The following FUT8 variants were observed in gnomAD, a reference collection of about 807,000 sequenced individuals.
FUT8 encodes the protein alpha-(1,6)-fucosyltransferase.
Under a neutral mutation model 71.3 loss-of-function variants are expected in FUT8, and 29 were observed. The ratio of observed to expected loss-of-function variants is 0.41; its 90% CI spans 0.30 to 0.55. FUT8 has a LOEUF of 0.55. Ranked by LOEUF, FUT8 falls within the 20% of genes least tolerant of loss-of-function variation. FUT8 has a pLI of 0.34. For missense variants in FUT8, 544 were observed against 702.1 expected, an observed-to-expected ratio of 0.77 and a Z score of 2.55; for synonymous variants, 254 against 239.3, an observed-to-expected ratio of 1.06 and a Z score of -0.57.
At chr14:65,501,574 G>A (rs2066646125) in intron 2 of FUT8, among the ~76,000 whole-genome samples, 1 of 152,212 alleles carries the variant, frequency 6.6e-6, no homozygotes, top group Non-Finnish European at 1.5e-5. Context: ...TCTCCCTCTA[G>A]TGTCCTTATT....
chr14:65,616,600 T>G (rs1377146642), intron 5 of FUT8, among the ~76,000 whole-genome samples: 1 of 152,184 alleles, frequency 6.6e-6, no homozygotes, highest in Non-Finnish European at 1.5e-5. Flanking sequence ...TCTAGAAATC[T>G]TTACATTCTA....
chr14:65,423,435 G>T (rs1388903024), intron 1 of FUT8, among the ~76,000 whole-genome samples: 2 of 151,664 alleles, frequency 1.3e-5, no homozygotes, highest in Non-Finnish European at 2.9e-5. Flanking sequence ...CTAATTTTTT[G>T]TATTTTTAGT....
At chr14:65,620,399 T>G (rs968481676) in intron 5 of FUT8, among the ~76,000 whole-genome samples, 2 of 152,192 alleles carry the variant, frequency 1.3e-5, no homozygotes, top group African/African-American at 4.8e-5. Flanking sequence ...GAATGATACT[T>G]ATGTTAATTA....
intron 3 of FUT8, among the ~76,000 whole-genome samples, chr14:65,611,307 C>CCCCCCCCT (rs112511336): frequency 9.8e-6 from 1 of 102,414 alleles, no homozygotes; most frequent in African/African-American, 4.3e-5. Flanking sequence ...ACACACCCCC[C>CCCCCCCCT]AAGTAATAGC....
intron 7 of FUT8, among the ~76,000 whole-genome samples, chr14:65,677,142 G>GTT (rs1892764000): frequency 8.9e-6 from 1 of 112,540 alleles, no homozygotes; most frequent in Non-Finnish European, 1.9e-5. Context: ...GTGTGTGTGT[G>GTT]TGTGTGTGTG....
At chr14:65,674,233 C>A (rs2140385474) in intron 7 of FUT8, among the ~76,000 whole-genome samples, 1 of 152,130 alleles carries the variant, frequency 6.6e-6, no homozygotes, top group African/African-American at 2.4e-5. Flanking sequence ...TATTTTTGAT[C>A]CCTTATGCTG....
At chr14:65,495,002 T>C (rs1240008388) in intron 2 of FUT8, among the ~76,000 whole-genome samples, 1 of 152,068 alleles carries the variant, frequency 6.6e-6, no homozygotes, top group Non-Finnish European at 1.5e-5. Flanking sequence ...GCTTTTTCTC[T>C]AGATAGAGCT....
At chr14:65,650,378 C>G (rs1382376915) in intron 6 of FUT8, among the ~76,000 whole-genome samples, 2 of 142,852 alleles carry the variant, frequency 1.4e-5, no homozygotes. Flanking sequence ...GTTCACTGTT[C>G]TATAGGCTGT....
chr14:65,538,393 A>G (rs1157112740), intron 2 of FUT8, among the ~76,000 whole-genome samples: 3 of 152,052 alleles, frequency 2.0e-5, no homozygotes, highest in Non-Finnish European at 4.4e-5. Context: ...CTCTCTTCAC[A>G]TCAGCCCCTG....
chr14:65,623,873 C>T (rs1256524712), intron 5 of FUT8, among the ~76,000 whole-genome samples: 1 of 152,108 alleles, frequency 6.6e-6, no homozygotes, highest in African/African-American at 2.4e-5. Flanking sequence ...CTTTAGTATG[C>T]CCACTTATTA....
the FUT8 span, among the ~76,000 whole-genome samples, chr14:65,377,074 C>G: frequency 6.6e-6 from 1 of 152,182 alleles, no homozygotes; most frequent in Non-Finnish European, 1.5e-5. Context: ...CTGCTGCTTC[C>G]TGCTCAGGCC....
At chr14:65,680,261 G>A (rs1189002320) in intron 7 of FUT8, among the ~76,000 whole-genome samples, 1 of 152,202 alleles carries the variant, frequency 6.6e-6, no homozygotes, top group African/African-American at 2.4e-5. Context: ...AACCAGGAGT[G>A]CCAGTGGCAG....
intron 6 of FUT8, among the ~76,000 whole-genome samples, chr14:65,667,436 G>T (rs1892272258): frequency 6.6e-6 from 1 of 151,970 alleles, no homozygotes; most frequent in Admixed American, 6.6e-5. Flanking sequence ...GCCACAAAAA[G>T]AATAAAATAC....
At chr14:65,633,885 A>C (rs79556464) in intron 6 of FUT8, among the ~76,000 whole-genome samples, 1 of 151,252 alleles carries the variant, frequency 6.6e-6, no homozygotes, top group African/African-American at 2.4e-5. Flanking sequence ...TGCCCTGTCC[A>C]GGAGGGAGGT....
intron 1 of FUT8, among the ~76,000 whole-genome samples, chr14:65,416,896 G>A (rs867789363): frequency 1.3e-5 from 2 of 150,524 alleles, no homozygotes; most frequent in African/African-American, 4.9e-5. Flanking sequence ...CCATTCTCCC[G>A]CCTTAGCCTC....
At chr14:65,409,757 C>G (rs1354398337), upstream of FUT8, among the ~76,000 whole-genome samples, 1 of 152,176 alleles carries the variant, frequency 6.6e-6, no homozygotes, top group Non-Finnish European at 1.5e-5. The surrounding 1 kb of genome is among the most constrained non-coding windows in gnomAD (Gnocchi z 5.4). Flanking sequence ...AAGAATTTGA[C>G]CGAGGCTATA....
intron 7 of FUT8, among the ~76,000 whole-genome samples, chr14:65,687,568 T>C (rs1893356409): frequency 6.6e-6 from 1 of 152,234 alleles, no homozygotes; most frequent in African/African-American, 2.4e-5. Flanking sequence ...TATATGTGCA[T>C]ATCTATATGT....
intron 5 of FUT8, among the ~76,000 whole-genome samples, chr14:65,619,317 A>G (rs1313832701): frequency 6.6e-6 from 1 of 152,140 alleles, no homozygotes; most frequent in Non-Finnish European, 1.5e-5. Flanking sequence ...TAGTGACCCC[A>G]TCAGTGAGCT....
Position 65,688,520 on chromosome 14 carries a change from C to CAAAAA in FUT8, c.835+19061_835+19065dup, listed in dbSNP as rs34293733. The stretch of plus-strand genomic sequence containing the variant: ...GTGCTGGAACTGGACATCCACATGC[C>CAAAAA]AAAAAAAAAAAAAAAAAAAAAAAAA... On this transcript the variant is annotated intron_variant, in intron 7 of 10. Coordinates refer to ENST00000673929, the MANE Select transcript of FUT8 (RefSeq NM_001371533.1). Among the ~76,000 whole-genome samples, 100 of 55,110 alleles carry CAAAAA rather than the reference C, an allele frequency of 1.8e-3. 2 individuals carry two copies. Among genetic ancestry groups the CAAAAA allele is most frequent in the African/African-American group, 6.7e-3 (89 of 13,332 alleles). 36.2% of individuals were successfully genotyped at this position (55,110 alleles called of 152,430 possible).
Sources: gnomAD v4.1 joint callset for allele counts (sites outside exome capture counted in the v4.1 genomes callset) on GRCh38, gnomAD v4.1.1 for gene constraint, Gnocchi (gnomAD v3.1) non-coding constraint, MANE v1.5 for transcripts, NCBI Gene and HGNC (gene_info 2026-07-23, HGNC 2026-07-21) for gene names.